CIROZ: variants seen among roughly 807,000 people sequenced by gnomAD.
CIROZ encodes ciliated left-right organizer ZP-N domains-containing protein.
chr1:10,952,232 G>A, the CIROZ span, among the ~76,000 whole-genome samples: 4 of 152,180 alleles, frequency 2.6e-5, no homozygotes, highest in African/African-American at 9.7e-5. Context: ...GGGAGGTGCA[G>A]GGGAGGTGTG....
At chr1:10,965,627 A>C in the CIROZ span, among the ~76,000 whole-genome samples, 2 of 152,052 alleles carry the variant, frequency 1.3e-5, no homozygotes, top group Non-Finnish European at 2.9e-5. Flanking sequence ...CTGGGGGCCG[A>C]GGTGGGTGGA....
chr1:10,947,385 G>A, the CIROZ span, among the ~76,000 whole-genome samples: 1 of 152,200 alleles, frequency 6.6e-6, no homozygotes, highest in Non-Finnish European at 1.5e-5. Flanking sequence ...ACGGCCTGCC[G>A]CTTCACCCCT....
At chr1:10,972,617 C>A in the CIROZ span, among the ~76,000 whole-genome samples, 2 of 152,218 alleles carry the variant, frequency 1.3e-5, no homozygotes, top group East Asian at 3.8e-4. Context: ...CCTGGATCAA[C>A]CTATGTGACC....
the CIROZ span, among the ~76,000 whole-genome samples, chr1:10,977,373 CTCGGGAG>C: frequency 7.2e-6 from 1 of 139,622 alleles, no homozygotes; most frequent in Non-Finnish European, 1.5e-5. Flanking sequence ...ATCCCAGCTA[CTCGGGAG>C]GCTGAGACAA....
chr1:10,954,142 G>A, the CIROZ span: 11 of 1,610,852 alleles, frequency 6.8e-6, no homozygotes, highest in East Asian at 6.7e-5. Flanking sequence ...TCTTGGCATC[G>A]CTGTGGGGCC....
At chr1:10,957,519 A>G in the CIROZ span, 2 of 1,528,184 alleles carry the variant, frequency 1.3e-6, no homozygotes, top group African/African-American at 1.4e-5. Flanking sequence ...GCAGGTGGAC[A>G]TTTGACTTGT....
the CIROZ span, among the ~76,000 whole-genome samples, chr1:10,956,827 C>T: frequency 1.3e-5 from 2 of 152,144 alleles, no homozygotes; most frequent in Non-Finnish European, 2.9e-5. Flanking sequence ...TCCACACACA[C>T]ATACCCCAAC....
chr1:10,977,014 C>A, the CIROZ span, among the ~76,000 whole-genome samples: 1 of 151,890 alleles, frequency 6.6e-6, no homozygotes, highest in South Asian at 2.1e-4. Context: ...AAAACATTAG[C>A]TGGGCATGGT....
chr1:10,974,486 C>T, the CIROZ span, among the ~76,000 whole-genome samples: 2 of 152,268 alleles, frequency 1.3e-5, no homozygotes, highest in Admixed American at 6.5e-5. This position sits in a 1 kb window ranked among gnomAD's most constrained non-coding sequence, Gnocchi z 4.4. Flanking sequence ...GCCACCCTCT[C>T]CAGGGCCTCC....
chr1:10,950,030 CT>C, the CIROZ span, among the ~76,000 whole-genome samples: 1,467 of 101,668 alleles, frequency 0.014, 6 homozygotes, highest in African/African-American at 0.048. Context: ...CATCAAGATT[CT>C]TTTTTTTTTT....
the CIROZ span, among the ~76,000 whole-genome samples, chr1:10,976,634 G>C: frequency 3.2e-3 from 481 of 150,638 alleles, 2 homozygotes; most frequent in African/African-American, 0.011. Flanking sequence ...AGAAGCGTGA[G>C]CCACCGCGTC....
At chr1:10,979,877 A>G in the CIROZ span, among the ~76,000 whole-genome samples, 2 of 152,104 alleles carry the variant, frequency 1.3e-5, no homozygotes, top group East Asian at 1.9e-4. Flanking sequence ...GTGAAACCCT[A>G]TCTCTACTAA....
At chr1:10,969,683 C>G in the CIROZ span, among the ~76,000 whole-genome samples, 8 of 152,180 alleles carry the variant, frequency 5.3e-5, no homozygotes, top group African/African-American at 1.9e-4. Context: ...GCACGTGGGC[C>G]GTGCCCTCAC....
chr1:10,964,787 C>T, the CIROZ span, among the ~76,000 whole-genome samples: 7 of 152,282 alleles, frequency 4.6e-5, no homozygotes, highest in Admixed American at 1.3e-4. Flanking sequence ...GACGCCAACA[C>T]GCCCGTCTAA....
chr1:10,955,219 G>C, the CIROZ span: 1 of 1,563,286 alleles, frequency 6.4e-7, no homozygotes, highest in South Asian at 1.2e-5. Context: ...CACAGAAAAA[G>C]GCACACTTTG....
At chr1:10,974,283 C>G in the CIROZ span, among the ~76,000 whole-genome samples, 1 of 152,012 alleles carries the variant, frequency 6.6e-6, no homozygotes, top group African/African-American at 2.4e-5. The surrounding 1 kb of genome is among the most constrained non-coding windows in gnomAD (Gnocchi z 4.4). Context: ...CATAAAAGCC[C>G]AGGGCACAGC....
the CIROZ span, among the ~76,000 whole-genome samples, chr1:10,963,617 C>G: frequency 7.9e-5 from 12 of 151,978 alleles, no homozygotes; most frequent in African/African-American, 2.4e-4. Flanking sequence ...AAGGAGCACA[C>G]ACGGCCATGA....
chr1:10,957,560 G>A, the CIROZ span: 8 of 1,599,582 alleles, frequency 5.0e-6, no homozygotes, highest in Non-Finnish European at 6.8e-6. Context: ...GCTCTTCTAG[G>A]TGCTATGCCC....
the CIROZ span, among the ~76,000 whole-genome samples, chr1:10,956,108 T>C: frequency 6.6e-6 from 1 of 152,194 alleles, no homozygotes; most frequent in African/African-American, 2.4e-5. Context: ...GATAAAATTC[T>C]ATACAAATGG....
Sources: gnomAD v4.1 joint callset for allele counts (sites outside exome capture counted in the v4.1 genomes callset) on GRCh38, gnomAD v4.1.1 for gene constraint, Gnocchi (gnomAD v3.1) non-coding constraint, MANE v1.5 for transcripts, NCBI Gene and HGNC (gene_info 2026-07-23, HGNC 2026-07-21) for gene names.